CREB3L3: variants seen among roughly 807,000 people sequenced by gnomAD.
CREB3L3 encodes cAMP responsive element binding protein 3 like 3.
In CREB3L3, 40 loss-of-function variants were observed where a neutral mutation model predicts 44.6. The observed-to-expected ratio is 0.90, with a 90% CI of 0.70 to 1.17. The LOEUF is 1.17. Among genes scored for constraint, CREB3L3 ranks in the 50% most tolerant of loss-of-function variants. The pLI, the probability that CREB3L3 is intolerant of heterozygous loss-of-function variation, is 0.00. For missense variants in CREB3L3, 578 were observed against 595.8 expected (o/e 0.97, Z 0.31); for synonymous variants, 273 against 256.3 (o/e 1.06, Z -0.62).
Position 4,164,485 on chromosome 19 carries a change from C to T in CREB3L3, c.577-18C>T. 6.2e-7 allele frequency: 1 copy of T among 1,613,846 alleles called. No individual in the cohort carries two copies. The highest frequency in any genetic ancestry group is 1.3e-5 in the African/African-American group (1 of 75,024). On this transcript the variant is annotated intron_variant, in intron 4 of 9. Transcript: ENST00000078445. ...GGCGTCCCTGCACCCGCCGTCATTC[C>T]TCTGATTTTTTCCGTAGCAACAGCA...
chr19:4,171,949 G>A lies in CREB3L3; in HGVS notation c.1366G>A (p.Ala456Thr). The change falls in exon 10 of 10, where the codon GCG (alanine) becomes ACG (threonine). Residue 456 changes from alanine to threonine, a missense_variant. Ala to Thr is a moderately conservative substitution (Grantham distance 58, BLOSUM62 0). Transcript: ENST00000078445. This position sits in a 1 kb window ranked among gnomAD's most constrained non-coding sequence, Gnocchi z 4.9. ...TGGCTCAGGACGTGCAGGGCTGGAG[G>A]CGGCGGGAGACGAGCTGTGAGCCCC... Reference protein sequence around the residue: ...STGSGRAGLEAAGDEL With the variant: ...STGSGRAGLETAGDEL 6.2e-7 allele frequency: 1 copy of A among 1,604,522 alleles called. No individual in the cohort carries two copies. Among genetic ancestry groups the A allele is most frequent in the Non-Finnish European group, 8.5e-7 (1 of 1,176,700 alleles).
At position 4,172,030 on chromosome 19, in the gene CREB3L3, T is replaced by A; in HGVS notation, c.*61T>A. ...CAGGGGTGCCTTGGGGATGCTGCAC[T>A]GGGCAGCTACCCACCTGGGGATGGG... is the stretch of plus-strand genomic sequence containing the variant. On this transcript the variant is annotated 3_prime_UTR_variant, in exon 10 of 10. Transcript: ENST00000078445. 3 of 1,466,278 alleles carry A rather than the reference T, an allele frequency of 2.0e-6. No homozygotes were observed. The South Asian group carries it at 3.8e-5, about 19-fold the overall frequency. The allele number at this position is 1,466,278 out of a possible 1,614,324, so 90.8% of individuals were successfully genotyped here. A position where few individuals can be genotyped will look rare whatever the true frequency, so the allele number is the denominator to read the frequency against.
intron 4 of CREB3L3, among the ~76,000 whole-genome samples, chr19:4,162,968 C>A (rs988901397): frequency 6.6e-6 from 1 of 151,934 alleles, no homozygotes; most frequent in Admixed American, 6.6e-5. Flanking sequence ...AGTAGCAAGA[C>A]CCTATTTCAA....
intron 4 of CREB3L3, among the ~76,000 whole-genome samples, chr19:4,161,405 G>A (rs777890117): frequency 1.3e-5 from 2 of 152,068 alleles, no homozygotes; most frequent in Non-Finnish European, 2.9e-5. Flanking sequence ...GAGCTACTGC[G>A]CCCCGCCTGG....
rs1227271436 is a variant in CREB3L3, at chr19:4,171,552, G to A, written c.1072+73G>A. ...CCGTCCTGGGCCTCTGGGGGAGGGGGAGAAGACCCCTGTGCCCTTGTTCCC... is the reference window on the plus strand; with the variant it reads ...CCGTCCTGGGCCTCTGGGGGAGGGGAAGAAGACCCCTGTGCCCTTGTTCCC... On this transcript the variant is annotated intron_variant, in intron 9 of 9. Transcript: ENST00000078445. This position sits in a 1 kb window ranked among gnomAD's most constrained non-coding sequence, Gnocchi z 4.9. The A allele has an allele frequency of 6.3e-7, 1 of 1,598,764 alleles. No individual in the cohort carries two copies. Among genetic ancestry groups the A allele is most frequent in the Non-Finnish European group, 8.6e-7 (1 of 1,166,548 alleles).
At position 4,155,088 on chromosome 19, in the gene CREB3L3, C is replaced by G. The variant is rs1479671173; in HGVS notation, c.156+61C>G. 3.1e-5 allele frequency: 49 copies of G among 1,594,500 alleles called. No individual in the cohort carries two copies. In the Admixed American group the frequency reaches 7.7e-4, roughly 25 times the overall value. ...AGCTCCAGGCGGGCCAACTGAGGCC[C>G]CACGAAGGTGCTAGACCCGCCAGAG... On this transcript the variant is annotated intron_variant, in intron 2 of 9. Transcript: ENST00000078445.
rs1967093139 is a variant in CREB3L3 at position 4,173,032 on chromosome 19, C to G, written c.*1063C>G. On this transcript the variant is annotated 3_prime_UTR_variant, in exon 10 of 10. Transcript: ENST00000078445. The stretch of plus-strand genomic sequence containing the variant: ...CCCCCTTTTCTAAGACTGCCTGATC[C>G]GAAATAAAGTATTTTGACAGAACCT... The G allele has an allele frequency of 6.6e-6, 1 of 152,598 alleles. No individual in the cohort carries two copies. The highest frequency in any genetic ancestry group is 1.5e-5 in the Non-Finnish European group (1 of 68,370). The allele number at this position is 152,598 out of a possible 1,614,324, so 9.5% of individuals were successfully genotyped here. A position where few individuals can be genotyped will look rare whatever the true frequency, so the allele number is the denominator to read the frequency against.
At chr19:4,170,021 C>T (rs1967007543) in intron 6 of CREB3L3, 119 bp from the exon 7 acceptor site, 1 of 951,668 alleles carries the variant, frequency 1.1e-6, no homozygotes, top group Middle Eastern at 2.5e-4. Context: ...GGATGAATGA[C>T]TTCCCCTCTC....
Position 4,157,206 on chromosome 19 carries a change from G to A in CREB3L3, c.368G>A (p.Cys123Tyr). 4 of 1,614,050 alleles carry A rather than the reference G, an allele frequency of 2.5e-6. No individual in the cohort carries two copies. Among genetic ancestry groups the A allele is most frequent in the Non-Finnish European group, 3.4e-6 (4 of 1,180,008 alleles). ...CCTGCCCAGCCTGGCAAGGGGCCCTGCCTCTCCTATCATCCTGGCAACTCT... is the reference window on the plus strand; with the variant it reads ...CCTGCCCAGCCTGGCAAGGGGCCCTACCTCTCCTATCATCCTGGCAACTCT... The part of the protein sequence containing the change: ...CHPAQPGKGP[C>Y]LSYHPGNSCS... Residue 123 changes from cysteine to tyrosine, a missense_variant, in exon 3 of 10, where the codon TGC becomes TAC. By Grantham distance (194) the Cys-to-Tyr change is radical (BLOSUM62 -2). Transcript: ENST00000078445.
chr19:4,154,078 T>C (rs1054203727), intron 1 of CREB3L3, among the ~76,000 whole-genome samples: 2 of 151,944 alleles, frequency 1.3e-5, no homozygotes, highest in Non-Finnish European at 2.9e-5. Flanking sequence ...TTTATTTTTA[T>C]TTTTATTTTT....
intron 1 of CREB3L3, among the ~76,000 whole-genome samples, chr19:4,154,005 G>T (rs1158913113): frequency 6.6e-6 from 1 of 152,172 alleles, no homozygotes; most frequent in Non-Finnish European, 1.5e-5. Context: ...GGCTGTGAAG[G>T]CCTGAGAGGC....
Position 4,171,936 on chromosome 19 carries a change from T to G in CREB3L3, c.1353T>G (p.Arg451=). The part of the protein sequence containing the change: ...VAPGPSTGSG[R]AGLEAAGDEL ...CTGGGCCGAGCACTGGCTCAGGACGTGCAGGGCTGGAGGCGGCGGGAGACG... is the reference window on the plus strand; with the variant it reads ...CTGGGCCGAGCACTGGCTCAGGACGGGCAGGGCTGGAGGCGGCGGGAGACG... Residue 451 remains arginine (R), a synonymous_variant, in exon 10 of 10, where the codon CGT becomes CGG. Coordinates refer to ENST00000078445, the MANE Select transcript of CREB3L3 (RefSeq NM_032607.3). The surrounding 1 kb of genome is among the most constrained non-coding windows in gnomAD (Gnocchi z 4.9). 1 of 1,609,830 alleles carries G rather than the reference T, an allele frequency of 6.2e-7. No individual in the cohort carries two copies. Among genetic ancestry groups the G allele is most frequent in the Non-Finnish European group, 8.5e-7 (1 of 1,178,728 alleles).
At chr19:4,160,885 C>T (rs531236798) in intron 4 of CREB3L3, among the ~76,000 whole-genome samples, 10 of 147,830 alleles carry the variant, frequency 6.8e-5, no homozygotes, top group Admixed American at 2.1e-4. Flanking sequence ...AGGAGCATGC[C>T]GCGCCACCTG....
chr19:4,168,112 C>A (rs1004810566), intron 5 of CREB3L3, among the ~76,000 whole-genome samples: 4 of 151,884 alleles, frequency 2.6e-5, no homozygotes, highest in African/African-American at 9.7e-5. Flanking sequence ...CATTCTCCTG[C>A]CTCAGCCTCC....
In CREB3L3 at chr19:4,171,791, G is replaced by A. The variant is rs776805567; in HGVS notation, c.1208G>A (p.Trp403Ter). ...EESPGSPGADWGFQDTANLTN... is the reference protein window; with the variant it reads ...EESPGSPGAD ...TCTCCAGGAAGCCCCGGGGCAGACTGGGGCTTCCAGGACACCGCGAACCTG... is the reference window on the plus strand; with the variant it reads ...TCTCCAGGAAGCCCCGGGGCAGACTAGGGCTTCCAGGACACCGCGAACCTG... The change falls in exon 10 of 10, where the codon TGG becomes TAG. Residue 403 changes from tryptophan (W) to a stop codon, truncating the protein, a stop_gained. Transcript: ENST00000078445. LOFTEE classifies it low-confidence loss of function (END_TRUNC). The surrounding 1 kb of genome is among the most constrained non-coding windows in gnomAD (Gnocchi z 4.9). The A allele has an allele frequency of 1.9e-6, 3 of 1,613,504 alleles. No homozygotes were observed. Among genetic ancestry groups the A allele is most frequent in the Middle Eastern group, 1.6e-4 (1 of 6,062 alleles).
intron 5 of CREB3L3, 151 bp downstream of exon 5, chr19:4,164,791 C>T (rs2041704908): frequency 1.1e-6 from 1 of 949,092 alleles, no homozygotes; most frequent in South Asian, 1.4e-5. Context: ...TTGCTGCAAC[C>T]TCTGCCTCTC....
In CREB3L3 at chr19:4,171,639, C is replaced by T. The variant is rs764210146; in HGVS notation, c.1073-17C>T. ...ACCTCCACCTTGTCCCCTGTGATGC[C>T]CCCCTTCCCCAATCAGTGTTCTCCA... On this transcript the variant is annotated splice_polypyrimidine_tract_variant and intron_variant, in intron 9 of 9. Coordinates refer to ENST00000078445, the MANE Select transcript of CREB3L3 (RefSeq NM_032607.3). The surrounding 1 kb of genome is among the most constrained non-coding windows in gnomAD (Gnocchi z 4.9). The T allele has an allele frequency of 3.1e-6, 5 of 1,613,114 alleles. No individual in the cohort carries two copies. Among genetic ancestry groups the T allele is most frequent in the African/African-American group, 1.3e-5 (1 of 74,884 alleles).
Position 4,154,967 on chromosome 19 carries a change from G to A in CREB3L3, c.96G>A (p.Arg32=). 6 of 1,613,154 alleles carry A rather than the reference G, an allele frequency of 3.7e-6. No individual in the cohort carries two copies. Among genetic ancestry groups the A allele is most frequent in the Non-Finnish European group, 5.1e-6 (6 of 1,180,000 alleles). ...SFELLDLLFD[R]QDGILRHVEL... ...AGCTCCTGGATCTCCTGTTTGACCG[G>A]CAGGACGGCATCCTGAGACACGTGG... Residue 32 remains arginine (R), a synonymous_variant, in exon 2 of 10, where the codon CGG becomes CGA. Transcript: ENST00000078445.
chr19:4,168,136 T>C (rs1015134251), intron 5 of CREB3L3, among the ~76,000 whole-genome samples: 3 of 151,904 alleles, frequency 2.0e-5, no homozygotes, highest in East Asian at 1.9e-4. Flanking sequence ...GTAGCTGGGA[T>C]TACAGGCACC....
Sources: allele counts gnomAD v4.1 joint callset (sites outside exome capture counted in the v4.1 genomes callset), GRCh38; gene constraint gnomAD v4.1.1; non-coding constraint Gnocchi (gnomAD v3.1); transcripts MANE v1.5; gene names NCBI Gene and HGNC (gene_info 2026-07-23, HGNC 2026-07-21).